PACS1: variants seen among roughly 807,000 people sequenced by gnomAD.
PACS1 encodes the protein phosphofurin acidic cluster sorting protein 1, also known as PACS-1.
PACS1 carries 24 observed loss-of-function variants against 115.0 expected under a neutral mutation model. The ratio of observed to expected loss-of-function variants is 0.21; its 90% CI spans 0.15 to 0.29. The LOEUF (loss-of-function observed/expected upper bound fraction) is 0.29. Ranked by LOEUF, PACS1 falls within the 10% of genes least tolerant of loss-of-function variation. PACS1 has a pLI of 1.00. For synonymous variants in PACS1, 453 were observed against 504.5 expected, an observed-to-expected ratio of 0.90 and a Z score of 1.37; for missense variants, 838 against 1,251.2, an observed-to-expected ratio of 0.67 and a Z score of 4.98.
chr11:66,179,332 A>G (rs1027618438), intron 1 of PACS1, among the ~76,000 whole-genome samples: 1 of 152,226 alleles, frequency 6.6e-6, no homozygotes, highest in East Asian at 1.9e-4. Flanking sequence ...CGAGGGTCAA[A>G]TGGACTGTTC....
chr11:66,222,317 C>G (rs1227325284), intron 10 of PACS1, among the ~76,000 whole-genome samples: 1 of 151,982 alleles, frequency 6.6e-6, no homozygotes, highest in African/African-American at 2.4e-5. Flanking sequence ...AGCAGTGCCC[C>G]GAGAAAATTT....
At position 66,210,309 on chromosome 11, in the gene PACS1, T is replaced by C; in HGVS notation, c.445-53T>C. 4 of 1,404,266 alleles carry C rather than the reference T, an allele frequency of 2.8e-6. No homozygotes were observed. The Admixed American group carries it at 5.0e-5, about 18-fold the overall frequency. The allele number at this position is 1,404,266 out of a possible 1,614,324, so 87.0% of individuals were successfully genotyped here. On this transcript the variant is annotated intron_variant, in intron 2 of 23. Coordinates refer to ENST00000320580, the MANE Select transcript of PACS1 (RefSeq NM_018026.4). ...CCTCAGCCTCCCAAACTGCTGGGAT[T>C]ACTGGCACAAGCCACTGCACCTGGC...
intron 2 of PACS1, among the ~76,000 whole-genome samples, chr11:66,207,099 AC>A (rs1854958484): frequency 2.6e-5 from 4 of 152,190 alleles, no homozygotes; most frequent in African/African-American, 7.2e-5. Context: ...GTACATCATA[AC>A]ATTTCACCCA....
At chr11:66,239,396 A>AC (rs1266943844) in intron 21 of PACS1, 119 bp downstream of exon 21, 1 of 1,216,098 alleles carries the variant, frequency 8.2e-7, no homozygotes, top group Admixed American at 2.6e-5. Context: ...GGTAGTGCAC[A>AC]CCTGTGGTCC....
chr11:66,191,150 G>C (rs955870013), intron 1 of PACS1, among the ~76,000 whole-genome samples: 1 of 152,172 alleles, frequency 6.6e-6, no homozygotes, highest in Non-Finnish European at 1.5e-5. Flanking sequence ...GCCTTTTCCT[G>C]CTTCTTGAGG....
At chr11:66,106,506 G>A (rs143678568) in intron 1 of PACS1, among the ~76,000 whole-genome samples, 2 of 152,258 alleles carry the variant, frequency 1.3e-5, no homozygotes, top group East Asian at 1.9e-4. Context: ...CGGGGAGGTT[G>A]CAGTGAGCTG....
At chr11:66,225,500 A>G (rs1184211068) in intron 10 of PACS1, among the ~76,000 whole-genome samples, 2 of 152,238 alleles carry the variant, frequency 1.3e-5, no homozygotes, top group African/African-American at 2.4e-5. Context: ...GCCCAATCCA[A>G]GTTAAAGATA....
chr11:66,187,018 C>G (rs1004802694), intron 1 of PACS1, among the ~76,000 whole-genome samples: 1 of 152,146 alleles, frequency 6.6e-6, no homozygotes, highest in African/African-American at 2.4e-5. Flanking sequence ...TCTGGCTCTT[C>G]CGGCTCAGTG....
chr11:66,123,515 AT>A, intron 1 of PACS1, among the ~76,000 whole-genome samples: 2 of 143,398 alleles, frequency 1.4e-5, no homozygotes, highest in Middle Eastern at 4.5e-3. Flanking sequence ...TTATTTTTTT[AT>A]TTTATTTATT....
intron 2 of PACS1, among the ~76,000 whole-genome samples, chr11:66,206,183 T>C (rs1431104106): frequency 6.6e-6 from 1 of 152,160 alleles, no homozygotes; most frequent in Non-Finnish European, 1.5e-5. Flanking sequence ...AACCTAATTT[T>C]TAAAATAATA....
chr11:66,188,136 C>T (rs1248415946), intron 1 of PACS1, among the ~76,000 whole-genome samples: 1 of 134,008 alleles, frequency 7.5e-6, no homozygotes, highest in African/African-American at 2.8e-5. Context: ...CTGTTCAGAT[C>T]GTTTGGCGAT....
In PACS1 at chr11:66,230,953, G is replaced by GC. The variant is rs1378292037; in HGVS notation, c.1626+18dup. ...CCACAGCACGCAGGTACTTCTGGGT[G>GC]CCCCCAAAACACCAGGACCCTCTGA... On this transcript the variant is annotated intron_variant, in intron 13 of 23. Transcript: ENST00000320580. The GC allele has an allele frequency of 6.2e-7, 1 of 1,613,510 alleles. No homozygotes were observed. The highest frequency in any genetic ancestry group is 1.3e-5 in the African/African-American group (1 of 74,920).
intron 22 of PACS1, among the ~76,000 whole-genome samples, chr11:66,242,376 A>G (rs1253492509): frequency 6.6e-6 from 1 of 152,188 alleles, no homozygotes; most frequent in Non-Finnish European, 1.5e-5. Context: ...CTGGGGGGTC[A>G]GGCATGGGGC....
At chr11:66,159,145 T>C (rs1859430055) in intron 1 of PACS1, among the ~76,000 whole-genome samples, 1 of 152,098 alleles carries the variant, frequency 6.6e-6, no homozygotes, top group Non-Finnish European at 1.5e-5. Flanking sequence ...TTTTCAGAAA[T>C]GCAGGGTCTC....
chr11:66,094,368 C>T (rs1256723815), intron 1 of PACS1, among the ~76,000 whole-genome samples: 1 of 150,610 alleles, frequency 6.6e-6, no homozygotes, highest in Admixed American at 6.6e-5. Context: ...GGGGATATCA[C>T]CACCGATCCC....
intron 1 of PACS1, among the ~76,000 whole-genome samples, chr11:66,079,422 A>C (rs1857449007): frequency 6.6e-6 from 1 of 150,726 alleles, no homozygotes; most frequent in African/African-American, 2.4e-5. Flanking sequence ...CCTCCTCACT[A>C]ACCTTTTCCT....
At position 66,241,447 on chromosome 11, in the gene PACS1, G is replaced by C. The variant is rs1855812873; in HGVS notation, c.2450G>C (p.Gly817Ala). Residue 817 changes from glycine to alanine, a missense_variant, in exon 22 of 24, where the codon GGG (glycine) becomes GCG (alanine). This residue lies in a region of PACS1 where 383 missense variants were observed against 537.0 expected (regional missense o/e 0.71). Coordinates refer to ENST00000320580, the MANE Select transcript of PACS1 (RefSeq NM_018026.4). Reference protein sequence around the residue: ...AIVGSPNSPYGDVIGLQVDYW... With the variant: ...AIVGSPNSPYADVIGLQVDYW... Reference sequence around the variant, plus strand: ...CTCAGGAGCCCTAATAGCCCATATGGGGACGTGATTGGCCTCCAGGTGGAC... The same window carrying C: ...CTCAGGAGCCCTAATAGCCCATATGCGGACGTGATTGGCCTCCAGGTGGAC... 6.2e-6 allele frequency: 10 copies of C among 1,602,490 alleles called. No homozygotes were observed. Among genetic ancestry groups the C allele is most frequent in the Non-Finnish European group, 8.5e-6 (10 of 1,174,312 alleles).
intron 2 of PACS1, among the ~76,000 whole-genome samples, chr11:66,198,907 T>C (rs577301): frequency 0.014 from 2,119 of 152,308 alleles, 41 homozygotes; most frequent in African/African-American, 0.048. Context: ...TTAATAAATA[T>C]TTTAAAATAT....
intron 2 of PACS1, among the ~76,000 whole-genome samples, chr11:66,207,093 A>C (rs1367066726): frequency 6.6e-6 from 1 of 152,184 alleles, no homozygotes; most frequent in African/African-American, 2.4e-5. Flanking sequence ...CAATCCGTAC[A>C]TCATAACATT....
Sources: allele counts gnomAD v4.1 joint callset (sites outside exome capture counted in the v4.1 genomes callset), GRCh38; gene constraint gnomAD v4.1.1; regional missense constraint gnomAD v4.1.1; transcripts MANE v1.5; gene names NCBI Gene and HGNC (gene_info 2026-07-23, HGNC 2026-07-21).